RASA1: variants seen among roughly 807,000 people sequenced by gnomAD.
RASA1 encodes RAS p21 protein activator 1.
In RASA1, 25 loss-of-function variants were observed where a neutral mutation model predicts 132.2. The ratio of observed to expected loss-of-function variants is 0.19; its 90% CI spans 0.14 to 0.26. The LOEUF (loss-of-function observed/expected upper bound fraction) is 0.26. RASA1 is among the 10% of genes least tolerant of loss of function. The pLI, the probability that RASA1 is intolerant of heterozygous loss-of-function variation, is 1.00. For missense variants in RASA1, 964 were observed against 1,299.2 expected (o/e 0.74, Z 3.97); for synonymous variants, 477 against 449.9 (o/e 1.06, Z -0.76).
rs926442725 is a variant in RASA1 at position 87,389,480 on chromosome 5, C to T, written c.3013C>T (p.His1005Tyr). The change falls in exon 24 of 25, where the codon CAT becomes TAT. Residue 1005 changes from histidine to tyrosine, a missense_variant. By Grantham distance (83) the His-to-Tyr change is moderately conservative (BLOSUM62 2). Coordinates refer to ENST00000274376, the MANE Select transcript of RASA1 (RefSeq NM_002890.3). ...AGCATTGCATGAGATTTGCGTGGCT[C>T]ATTCAGATGAACTTCGAACGCTCAG... The part of the protein sequence containing the change: ...LAALHEICVA[H>Y]SDELRTLSNE... 2 of 1,614,184 alleles carry T rather than the reference C, an allele frequency of 1.2e-6. No homozygotes were observed. Among genetic ancestry groups the T allele is most frequent in the Non-Finnish European group, 8.5e-7 (1 of 1,180,000 alleles).
At chr5:87,341,213 T>TA (rs1254649982) in intron 5 of RASA1, 77 bp from the exon 6 acceptor site, 4 of 858,440 alleles carry the variant, frequency 4.7e-6, no homozygotes, top group East Asian at 3.4e-5. Context: ...TGTTTGCAGA[T>TA]ACGATTTTCA....
intron 9 of RASA1, among the ~76,000 whole-genome samples, chr5:87,360,188 A>C (rs892400226): frequency 4.1e-5 from 6 of 146,268 alleles, no homozygotes; most frequent in African/African-American, 1.5e-4. Flanking sequence ...GTGGAATGGC[A>C]TGATCTCAGC....
chr5:87,377,140 A>G (rs1291132311), intron 17 of RASA1, 100 bp downstream of exon 17: 30 of 1,411,318 alleles, frequency 2.1e-5, no homozygotes, highest in Non-Finnish European at 3.0e-5. Flanking sequence ...TTGTTAAATT[A>G]TATTGCAAAA....
At chr5:87,269,167 T>G in intron 1 of RASA1, 177 bp downstream of exon 1, 1 of 1,611,664 alleles carries the variant, frequency 6.2e-7, no homozygotes, top group Non-Finnish European at 8.5e-7. Context: ...ACAGGCATAC[T>G]ACCTGGCGTC....
intron 1 of RASA1, among the ~76,000 whole-genome samples, chr5:87,271,426 T>TA (rs371585246): frequency 5.5e-5 from 8 of 144,396 alleles, no homozygotes; most frequent in South Asian, 2.2e-4. Context: ...ATATTGTAGT[T>TA]AAAAAAAACT....
intron 1 of RASA1, among the ~76,000 whole-genome samples, chr5:87,301,599 G>T (rs1260704696): frequency 1.3e-5 from 2 of 152,084 alleles, no homozygotes; most frequent in East Asian, 3.8e-4. Context: ...TCACATACAG[G>T]TTGAGTTTCC....
intron 1 of RASA1, among the ~76,000 whole-genome samples, chr5:87,321,663 G>A (rs1320290099): frequency 1.3e-5 from 2 of 152,268 alleles, no homozygotes; most frequent in African/African-American, 4.8e-5. Flanking sequence ...GGTCCCAAAT[G>A]TAGGAGCCTC....
chr5:87,311,686 A>C (rs1341837880), intron 1 of RASA1, among the ~76,000 whole-genome samples: 2 of 152,190 alleles, frequency 1.3e-5, no homozygotes, highest in Non-Finnish European at 2.9e-5. Flanking sequence ...AACTCACCTG[A>C]GTCTTGGTGT....
chr5:87,371,624 C>T (rs778038444), intron 12 of RASA1, among the ~76,000 whole-genome samples: 1 of 151,930 alleles, frequency 6.6e-6, no homozygotes, highest in Admixed American at 6.6e-5. Flanking sequence ...ACATTTCTAC[C>T]TGTATCATGG....
intron 17 of RASA1, among the ~76,000 whole-genome samples, chr5:87,378,159 A>G (rs1761450423): frequency 6.6e-6 from 1 of 152,214 alleles, no homozygotes; most frequent in South Asian, 2.1e-4. Context: ...CCATATGAAC[A>G]TGGCAGTGTT....
At chr5:87,273,667 T>G (rs1753943100) in intron 1 of RASA1, among the ~76,000 whole-genome samples, 1 of 152,022 alleles carries the variant, frequency 6.6e-6, no homozygotes, top group Non-Finnish European at 1.5e-5. Flanking sequence ...TTGTCACCAT[T>G]TAAGAATAGA....
At chr5:87,367,024 C>T (rs548380747) in intron 11 of RASA1, among the ~76,000 whole-genome samples, 9 of 152,142 alleles carry the variant, frequency 5.9e-5, no homozygotes, top group East Asian at 3.9e-4. Flanking sequence ...GAGTGAGGCC[C>T]GGTCTCAAAC....
Position 87,374,188 on chromosome 5 carries a change from A to T in RASA1, c.1802A>T (p.Glu601Val). ...GTCAGCAGCCTTGTTTTACATATTGAAGAAGCCCATAAACTCCCAGTAAAA... is the reference window on the plus strand; with the variant it reads ...GTCAGCAGCCTTGTTTTACATATTGTAGAAGCCCATAAACTCCCAGTAAAA... The part of the protein sequence containing the change: ...RQVSSLVLHI[E>V]EAHKLPVKHF... Residue 601 changes from glutamate (E) to valine (V), a missense_variant, in exon 14 of 25, where the codon GAA becomes GTA. Around this residue, in one of 6 missense-constraint regions of RASA1, gnomAD observed 346 missense variants for 520.1 expected, o/e 0.67. Transcript: ENST00000274376. 1 of 1,560,444 alleles carries T rather than the reference A, an allele frequency of 6.4e-7. No homozygotes were observed. Among genetic ancestry groups the T allele is most frequent in the Non-Finnish European group, 8.7e-7 (1 of 1,149,662 alleles).
chr5:87,268,664 C>T lies in RASA1; in HGVS notation c.213C>T (p.Phe71=), dbSNP rs1753677736. 2 of 1,610,926 alleles carry T rather than the reference C, an allele frequency of 1.2e-6. No homozygotes were observed. Among genetic ancestry groups the T allele is most frequent in the Non-Finnish European group, 1.7e-6 (2 of 1,178,842 alleles). The part of the protein sequence containing the change: ...LGGGAALGSE[F]LGAGSVAGAL... The stretch of plus-strand genomic sequence containing the variant: ...GCGGAGCCGCTTTGGGGTCAGAGTT[C>T]CTAGGAGCCGGGTCTGTGGCAGGGG... Residue 71 remains phenylalanine, a synonymous_variant, in exon 1 of 25, where the codon TTC becomes TTT. Transcript: ENST00000274376.
chr5:87,377,007 T>G lies in RASA1; in HGVS notation c.2311T>G (p.Cys771Gly). 1.9e-6 allele frequency: 3 copies of G among 1,613,880 alleles called. No individual in the cohort carries two copies. The highest frequency in any genetic ancestry group is 2.5e-6 in the Non-Finnish European group (3 of 1,179,802). ...LHEKLESLLLCTLNDREISME... is the reference protein window; with the variant it reads ...LHEKLESLLLGTLNDREISME... ...CGAAAAGCTTGAATCGTTGTTGTTATGCACACTAAATGACAGAGAAATAAG... is the reference window on the plus strand; with the variant it reads ...CGAAAAGCTTGAATCGTTGTTGTTAGGCACACTAAATGACAGAGAAATAAG... The change falls in exon 17 of 25, where the codon TGC (cysteine) becomes GGC (glycine). Residue 771 changes from cysteine (C) to glycine (G), a missense_variant. Physicochemically the swap from Cys to Gly is radical, Grantham distance 159. This residue lies in a region of RASA1 where 346 missense variants were observed against 520.1 expected (regional missense o/e 0.67). Transcript: ENST00000274376.
intron 1 of RASA1, among the ~76,000 whole-genome samples, chr5:87,310,126 A>G (rs6452750): frequency 0.61 from 92,069 of 152,024 alleles, 30,025 homozygotes; most frequent in African/African-American, 0.88. Flanking sequence ...TGCTTTTGAA[A>G]ATCAATTGAC....
chr5:87,375,841 T>C lies in RASA1; in HGVS notation c.2012-552T>C, dbSNP rs543386925. Reference sequence around the variant, plus strand: ...CCTGAATATTTCTCTATAAAATGTTTATTCTGTAGTTTTTTGTAGTAATTT... The same window carrying C: ...CCTGAATATTTCTCTATAAAATGTTCATTCTGTAGTTTTTTGTAGTAATTT... On this transcript the variant is annotated intron_variant, in intron 15 of 24. Coordinates refer to ENST00000274376, the MANE Select transcript of RASA1 (RefSeq NM_002890.3). Among the ~76,000 whole-genome samples, 4 of 152,360 alleles carry C rather than the reference T, an allele frequency of 2.6e-5. No homozygotes were observed. In the South Asian group the frequency reaches 8.3e-4, roughly 32 times the overall value.
chr5:87,357,704 C>A (rs1324079934), intron 9 of RASA1, among the ~76,000 whole-genome samples: 2 of 149,888 alleles, frequency 1.3e-5, no homozygotes, highest in Non-Finnish European at 3.0e-5. Flanking sequence ...GATTCCATCT[C>A]AAAAAAAAAG....
At chr5:87,272,542 T>G (rs1009032848) in intron 1 of RASA1, among the ~76,000 whole-genome samples, 23 of 151,910 alleles carry the variant, frequency 1.5e-4, no homozygotes, top group African/African-American at 4.1e-4. Context: ...TATGATTGTT[T>G]TTTTTTTTTT....
Sources: gnomAD v4.1 joint callset for allele counts (sites outside exome capture counted in the v4.1 genomes callset) on GRCh38, gnomAD v4.1.1 for gene constraint, gnomAD v4.1.1 regional missense constraint, MANE v1.5 for transcripts, NCBI Gene and HGNC (gene_info 2026-07-23, HGNC 2026-07-21) for gene names.